CMTM8: variants seen among roughly 807,000 people sequenced by gnomAD.
CMTM8 encodes CKLF like MARVEL transmembrane domain containing 8, also known as CKLF-like MARVEL transmembrane domain-containing protein 8.
A neutral mutation model predicts 18.6 loss-of-function variants in CMTM8; 12 were observed. The observed-to-expected ratio is 0.65, with a 90% CI of 0.41 to 1.05. The LOEUF is 1.05. Ranked by LOEUF, CMTM8 falls within the 50% of genes least tolerant of loss-of-function variation. The probability of loss-of-function intolerance (pLI) is 0.00; values close to 1 mark genes in which losing one functional copy is unlikely to be tolerated. For missense variants in CMTM8, 217 were observed against 227.2 expected (o/e 0.95, Z 0.29); for synonymous variants, 87 against 90.6 (o/e 0.96, Z 0.23).
chr3:32,252,011 G>A (rs1402292922), intron 1 of CMTM8, among the ~76,000 whole-genome samples: 3 of 152,166 alleles, frequency 2.0e-5, no homozygotes, highest in African/African-American at 7.2e-5. Context: ...GATGGCTTGA[G>A]CCCAGGAAGT....
rs575722593 is a variant in CMTM8, at chr3:32,311,027, A to T, written c.148-46346A>T. Among the ~76,000 whole-genome samples, 4 of 152,322 alleles carry T rather than the reference A, an allele frequency of 2.6e-5. No homozygotes were observed. In the South Asian group the frequency reaches 8.3e-4, roughly 32 times the overall value. The stretch of plus-strand genomic sequence containing the variant: ...CCAACAATACTGCACAGCAATGTAA[A>T]TTACTAATGTAAACGACCTGGATGA... On this transcript the variant is annotated intron_variant, in intron 1 of 3. Transcript: ENST00000307526.
intron 1 of CMTM8, among the ~76,000 whole-genome samples, chr3:32,286,568 C>T (rs964464032): frequency 7.9e-5 from 12 of 152,262 alleles, no homozygotes; most frequent in Non-Finnish European, 1.8e-4. Flanking sequence ...TAAACCCAGC[C>T]TGCATTTTGC....
chr3:32,238,796 T>C lies in CMTM8; in HGVS notation c.-177T>C. Reference sequence around the variant, plus strand: ...CCGAGGCGCTAGGGGCACCGCGCACTAGAGGGACACCCGCCGCGCCTGGAC... The same window carrying C: ...CCGAGGCGCTAGGGGCACCGCGCACCAGAGGGACACCCGCCGCGCCTGGAC... On this transcript the variant is annotated 5_prime_UTR_variant, in exon 1 of 4. Coordinates refer to ENST00000307526, the MANE Select transcript of CMTM8 (RefSeq NM_178868.5). The C allele has an allele frequency of 5.4e-6, 2 of 369,062 alleles. No homozygotes were observed. The allele number at this position is 369,062 out of a possible 1,614,324, so 22.9% of individuals were successfully genotyped here. A position where few individuals can be genotyped will look rare whatever the true frequency, so the allele number is the denominator to read the frequency against.
At chr3:32,366,963 G>T (rs4955146) in intron 2 of CMTM8, among the ~76,000 whole-genome samples, 47,430 of 152,084 alleles carry the variant, frequency 0.31, 7,509 homozygotes, top group East Asian at 0.53. Flanking sequence ...TCTGCCACAA[G>T]GCCAGGGCCT....
chr3:32,298,107 G>C (rs992034481), intron 1 of CMTM8, among the ~76,000 whole-genome samples: 1 of 149,364 alleles, frequency 6.7e-6, no homozygotes, highest in African/African-American at 2.5e-5. Flanking sequence ...CTGGAGTCTC[G>C]TTCTGTCGCT....
In CMTM8 at chr3:32,316,323, G is replaced by A. The variant is rs116477280; in HGVS notation, c.148-41050G>A. On this transcript the variant is annotated intron_variant, in intron 1 of 3. Transcript: ENST00000307526. ...ATTACAGGCGTGAGCCACCACACCC[G>A]GCCAATTCCACCTTTTTACTTTCTC... Among the ~76,000 whole-genome samples, 278 of 152,102 alleles carry A rather than the reference G, an allele frequency of 1.8e-3. 2 individuals are homozygous for A. Among genetic ancestry groups the A allele is most frequent in the African/African-American group, 6.0e-3 (248 of 41,482 alleles).
chr3:32,321,045 G>A (rs1696037322), intron 1 of CMTM8, among the ~76,000 whole-genome samples: 1 of 152,050 alleles, frequency 6.6e-6, no homozygotes, highest in African/African-American at 2.4e-5. Context: ...CCAGGGTCAG[G>A]AATTGCTTTA....
At chr3:32,357,305 C>G in intron 1 of CMTM8, 68 bp from the exon 2 acceptor site, 427 of 988,342 alleles carry the variant, frequency 4.3e-4, no homozygotes, top group Non-Finnish European at 5.8e-4. Flanking sequence ...TTTCTTTGTC[C>G]CTCCTTCCTT....
At chr3:32,261,758 A>G (rs866383900) in intron 1 of CMTM8, among the ~76,000 whole-genome samples, 2 of 152,198 alleles carry the variant, frequency 1.3e-5, no homozygotes, top group Non-Finnish European at 1.5e-5. Context: ...TAACACATGA[A>G]TGAGTCAACC....
chr3:32,351,349 T>C (rs1185322088), intron 1 of CMTM8, among the ~76,000 whole-genome samples: 1 of 152,210 alleles, frequency 6.6e-6, no homozygotes. Context: ...TACAGGAGAA[T>C]GTTTTTATAA....
intron 1 of CMTM8, among the ~76,000 whole-genome samples, chr3:32,320,034 C>G (rs1696012375): frequency 6.6e-6 from 1 of 152,186 alleles, no homozygotes; most frequent in Admixed American, 6.5e-5. Context: ...GACTAGAGAC[C>G]TGATGATTCT....
At chr3:32,348,952 C>T (rs1696652615) in intron 1 of CMTM8, among the ~76,000 whole-genome samples, 1 of 152,050 alleles carries the variant, frequency 6.6e-6, no homozygotes, top group Non-Finnish European at 1.5e-5. Flanking sequence ...TTAATTTCTA[C>T]TATTCCATTT....
At chr3:32,357,604 C>A in intron 2 of CMTM8, 58 bp downstream of exon 2, 1 of 1,544,666 alleles carries the variant, frequency 6.5e-7, no homozygotes, top group Non-Finnish European at 8.9e-7. Context: ...TGGCATTAGT[C>A]CTCTACTAGT....
intron 2 of CMTM8, among the ~76,000 whole-genome samples, chr3:32,366,428 C>T (rs184571251): frequency 2.6e-5 from 4 of 152,314 alleles, no homozygotes; most frequent in East Asian, 1.9e-4. Context: ...AGGCCCAGGA[C>T]GTCAGGGCAG....
intron 2 of CMTM8, among the ~76,000 whole-genome samples, chr3:32,361,068 A>G (rs1575095817): frequency 1.3e-5 from 2 of 151,862 alleles, no homozygotes; most frequent in Non-Finnish European, 2.9e-5. Flanking sequence ...TGCAACTTCC[A>G]CCTCCCGGGT....
chr3:32,305,020 C>G (rs1217394985), intron 1 of CMTM8, among the ~76,000 whole-genome samples: 1 of 152,162 alleles, frequency 6.6e-6, no homozygotes, highest in Non-Finnish European at 1.5e-5. Flanking sequence ...CTCTTTAAGA[C>G]AGAAATATTT....
rs1482331422 is a variant in CMTM8, at chr3:32,314,859, G to T, written c.148-42514G>T. On this transcript the variant is annotated intron_variant, in intron 1 of 3. Transcript: ENST00000307526. ...TAGGGTAGGCTCAGGGTTGGGTGGCGGGGGGGGTCCAACTGAGGCCTTGTT... is the reference window on the plus strand; with the variant it reads ...TAGGGTAGGCTCAGGGTTGGGTGGCTGGGGGGGTCCAACTGAGGCCTTGTT... Among the ~76,000 whole-genome samples, 4 of 73,032 alleles carry T rather than the reference G, an allele frequency of 5.5e-5. No homozygotes were observed. In the East Asian group the frequency reaches 7.4e-3, roughly 134 times the overall value. 47.9% of individuals were successfully genotyped at this position (73,032 alleles called of 152,430 possible).
chr3:32,250,035 TGA>T (rs1163146308), intron 1 of CMTM8, among the ~76,000 whole-genome samples: 1 of 152,232 alleles, frequency 6.6e-6, no homozygotes, highest in Non-Finnish European at 1.5e-5. Flanking sequence ...TGATTCGTTT[TGA>T]GTTCATTTTT....
chr3:32,361,286 G>GTTTTTTTTTTTTTTT (rs58364646), intron 2 of CMTM8, among the ~76,000 whole-genome samples: 10 of 87,260 alleles, frequency 1.1e-4, no homozygotes, highest in Non-Finnish European at 1.9e-4. Context: ...CAGCCTAAGA[G>GTTTTTTTTTTTTTTT]TTTTTTTTTC....
Sources: allele counts gnomAD v4.1 joint callset (sites outside exome capture counted in the v4.1 genomes callset), GRCh38; gene constraint gnomAD v4.1.1; transcripts MANE v1.5; gene names NCBI Gene and HGNC (gene_info 2026-07-23, HGNC 2026-07-21).